Variants in NOL4 observed in about 807,000 individuals in gnomAD.
The protein encoded by NOL4 is nucleolar protein 4.
In NOL4, 17 loss-of-function variants were observed where a neutral mutation model predicts 75.9. The observed-to-expected ratio is 0.22, with a 90% CI of 0.15 to 0.34. The LOEUF is 0.34. Among genes scored for constraint, NOL4 ranks in the 10% least tolerant of loss-of-function variants. The pLI, the probability that NOL4 is intolerant of heterozygous loss-of-function variation, is 1.00. For synonymous variants in NOL4, 292 were observed against 289.9 expected, an observed-to-expected ratio of 1.01 and a Z score of -0.07; for missense variants, 614 against 793.5, an observed-to-expected ratio of 0.77 and a Z score of 2.72.
At chr18:33,876,978 T>C (rs1403420787) in intron 10 of NOL4, among the ~76,000 whole-genome samples, 1 of 152,080 alleles carries the variant, frequency 6.6e-6, no homozygotes, top group African/African-American at 2.4e-5. Flanking sequence ...CTCTTTGGTT[T>C]GAGACTAAAG....
intron 5 of NOL4, among the ~76,000 whole-genome samples, chr18:34,093,093 T>C: frequency 6.6e-6 from 1 of 152,182 alleles, no homozygotes; most frequent in East Asian, 1.9e-4. Context: ...AAATTAATCT[T>C]TTGATCATAT....
intron 9 of NOL4, among the ~76,000 whole-genome samples, chr18:33,927,926 A>G (rs1448533622): frequency 6.6e-6 from 1 of 152,002 alleles, no homozygotes. Flanking sequence ...CAATTTCCCC[A>G]GCTATTATAT....
chr18:33,939,820 T>C (rs183002475), intron 9 of NOL4, among the ~76,000 whole-genome samples: 1 of 151,842 alleles, frequency 6.6e-6, no homozygotes, highest in African/African-American at 2.4e-5. Context: ...TGAATAGGAG[T>C]GGTAAGAGAG....
chr18:34,016,668 CT>C (rs570165410), intron 6 of NOL4, among the ~76,000 whole-genome samples: 14 of 152,170 alleles, frequency 9.2e-5, no homozygotes, highest in Admixed American at 5.9e-4. Flanking sequence ...TAGAGTTTTC[CT>C]GAAGAATCAT....
intron 1 of NOL4, among the ~76,000 whole-genome samples, chr18:34,171,720 A>G (rs1302502852): frequency 6.6e-6 from 1 of 152,190 alleles, no homozygotes; most frequent in Non-Finnish European, 1.5e-5. Flanking sequence ...TAAAGAGATG[A>G]TAATTGGATA....
At chr18:34,040,274 T>C (rs2076084604) in intron 5 of NOL4, among the ~76,000 whole-genome samples, 4 of 151,920 alleles carry the variant, frequency 2.6e-5, no homozygotes, top group African/African-American at 9.7e-5. Context: ...CCTTCCTTTC[T>C]CTTTATACAT....
intron 1 of NOL4, among the ~76,000 whole-genome samples, chr18:34,159,370 G>T (rs972429717): frequency 2.4e-4 from 36 of 152,240 alleles, no homozygotes; most frequent in Admixed American, 2.4e-3. Context: ...AGTACCCAGA[G>T]TGCTGGGGCC....
At chr18:33,889,751 G>A (rs1052401847) in intron 9 of NOL4, among the ~76,000 whole-genome samples, 13 of 152,088 alleles carry the variant, frequency 8.5e-5, no homozygotes, top group East Asian at 1.9e-4. Flanking sequence ...ATCAATAAAC[G>A]TAATACATCA....
At chr18:34,216,224 T>G (rs895494143) in intron 1 of NOL4, among the ~76,000 whole-genome samples, 2 of 152,206 alleles carry the variant, frequency 1.3e-5, no homozygotes, top group African/African-American at 4.8e-5. Flanking sequence ...ATAATTTAAT[T>G]TCAAGGATAA....
At chr18:33,991,488 A>G (rs2072912453) in intron 6 of NOL4, among the ~76,000 whole-genome samples, 2 of 152,158 alleles carry the variant, frequency 1.3e-5, no homozygotes, top group South Asian at 4.1e-4. Flanking sequence ...GGATACAACA[A>G]TTAATCCTAT....
chr18:33,917,215 T>C (rs564896278), intron 9 of NOL4, among the ~76,000 whole-genome samples: 1 of 152,078 alleles, frequency 6.6e-6, no homozygotes, highest in Non-Finnish European at 1.5e-5. Context: ...GGCACAGTTG[T>C]GTGTGTAGAT....
chr18:33,883,440 G>A lies in NOL4; in HGVS notation c.1543-16C>T. On this transcript the variant is annotated splice_polypyrimidine_tract_variant and intron_variant, in intron 9 of 10. Transcript: ENST00000261592. ...CAGACTCATCCTGCAAGGACAGACA[G>A]CATTCCATTATTTATCACCTCACAG... The A allele has an allele frequency of 6.3e-7, 1 of 1,588,798 alleles. No homozygotes were observed. The highest frequency in any genetic ancestry group is 1.2e-5 in the South Asian group (1 of 86,944).
rs180835218 is a variant in NOL4 at position 34,033,064 on chromosome 18, T to A, written c.773-13463A>T. The stretch of plus-strand genomic sequence containing the variant: ...TACATATTCAGGAAAAAGTCCTCCC[T>A]GATGAAAGCAAATTCAGAAATTTGG... On this transcript the variant is annotated intron_variant, in intron 5 of 10. Transcript: ENST00000261592. Among the ~76,000 whole-genome samples, 4 of 152,222 alleles carry A rather than the reference T, an allele frequency of 2.6e-5. No homozygotes were observed. The East Asian group carries it at 7.7e-4, about 29-fold the overall frequency.
chr18:33,970,303 A>T (rs1287254794), intron 6 of NOL4, among the ~76,000 whole-genome samples: 2 of 152,172 alleles, frequency 1.3e-5, no homozygotes, highest in Non-Finnish European at 2.9e-5. Flanking sequence ...AGTATATATG[A>T]CCTTTGGTTT....
chr18:34,093,469 T>C lies in NOL4; in HGVS notation c.768A>G (p.Gln256=). ...TAGTCAAACTGAAAGGCTTACCATC[T>C]TGCTGGCCATGAAGATTCTGGGGAC... is the stretch of plus-strand genomic sequence containing the variant. ...MQSPQNLHGQ[Q]DDDSAAESFN... The change falls in exon 5 of 11, where the codon CAA becomes CAG. Residue 256 remains glutamine, a synonymous_variant. Coordinates refer to ENST00000261592, the MANE Select transcript of NOL4 (RefSeq NM_003787.5). 6.3e-7 allele frequency: 1 copy of C among 1,580,256 alleles called. No homozygotes were observed.
chr18:33,987,004 A>G (rs1270826549), intron 6 of NOL4, among the ~76,000 whole-genome samples: 2 of 152,106 alleles, frequency 1.3e-5, no homozygotes, highest in Non-Finnish European at 2.9e-5. Context: ...AGTGATTGTC[A>G]GTGGGTAGGG....
At chr18:34,196,484 A>T (rs951651522) in intron 1 of NOL4, among the ~76,000 whole-genome samples, 2 of 152,120 alleles carry the variant, frequency 1.3e-5, no homozygotes, top group Non-Finnish European at 2.9e-5. Context: ...TAATAAAGTA[A>T]ATGGCCTGTC....
At chr18:34,209,533 T>G (rs541395856) in intron 1 of NOL4, among the ~76,000 whole-genome samples, 79 of 152,226 alleles carry the variant, frequency 5.2e-4, no homozygotes, top group African/African-American at 1.9e-3. Context: ...CGAGTCAGGT[T>G]ATAGTGGACT....
chr18:33,901,955 A>G (rs546187186), intron 9 of NOL4, among the ~76,000 whole-genome samples: 146 of 152,192 alleles, frequency 9.6e-4, no homozygotes, highest in Non-Finnish European at 1.7e-3. Flanking sequence ...TTAGTAGGAA[A>G]GCTTAAAAAG....
Sources: gnomAD v4.1 joint callset for allele counts (sites outside exome capture counted in the v4.1 genomes callset) on GRCh38, gnomAD v4.1.1 for gene constraint, MANE v1.5 for transcripts, NCBI Gene and HGNC (gene_info 2026-07-23, HGNC 2026-07-21) for gene names.